Variants in COL19A1 observed in about 807,000 individuals in gnomAD.
The protein encoded by COL19A1 is collagen type XIX alpha 1 chain, also known as collagen alpha-1(XIX) chain.
A neutral mutation model predicts 190.2 loss-of-function variants in COL19A1; 159 were observed. The ratio of observed to expected loss-of-function variants is 0.84; its 90% CI spans 0.73 to 0.95. The LOEUF is 0.95. Ranked by LOEUF, COL19A1 falls within the 40% of genes least tolerant of loss-of-function variation. The pLI is 0.00. For missense variants in COL19A1, 1,418 were observed against 1,431.9 expected, an observed-to-expected ratio of 0.99 and a Z score of 0.16; for synonymous variants, 509 against 458.9, an observed-to-expected ratio of 1.11 and a Z score of -1.39.
At chr6:69,913,281 A>G (rs923444887) in intron 4 of COL19A1, among the ~76,000 whole-genome samples, 3 of 152,214 alleles carry the variant, frequency 2.0e-5, no homozygotes, top group Non-Finnish European at 4.4e-5. Context: ...CAGTGAAAGA[A>G]TAAATACTAA....
rs542693273 is a variant in COL19A1 at position 70,147,030 on chromosome 6, T to C, written c.1893+141T>C. ...ACTATCCAGAGATGACTGATCAGCA[T>C]TGAGGTTGTATCACTTAAGCACAGA... is the stretch of plus-strand genomic sequence containing the variant. On this transcript the variant is annotated intron_variant, in intron 27 of 50. Coordinates refer to ENST00000620364, the MANE Select transcript of COL19A1 (RefSeq NM_001858.6). 794 of 687,072 alleles carry C rather than the reference T, an allele frequency of 1.2e-3. 2 individuals are homozygous for C. Among genetic ancestry groups the C allele is most frequent in the Non-Finnish European group, 1.5e-3 (650 of 429,312 alleles). The allele number at this position is 687,072 out of a possible 1,614,324, so 42.6% of individuals were successfully genotyped here.
intron 11 of COL19A1, among the ~76,000 whole-genome samples, chr6:70,017,551 C>T (rs1344072169): frequency 6.6e-6 from 1 of 152,050 alleles, no homozygotes; most frequent in Non-Finnish European, 1.5e-5. Flanking sequence ...GAACATGAGA[C>T]TCATTAGCAT....
chr6:70,041,209 A>G (rs780714871), intron 14 of COL19A1, among the ~76,000 whole-genome samples: 15 of 152,220 alleles, frequency 9.9e-5, no homozygotes, highest in Non-Finnish European at 1.6e-4. Context: ...TTAATGAAAT[A>G]TCTGATTTCT....
intron 33 of COL19A1, 89 bp from the exon 34 acceptor site, chr6:70,156,581 G>T: frequency 7.2e-7 from 1 of 1,388,902 alleles, no homozygotes; most frequent in South Asian, 1.2e-5. Flanking sequence ...CAAATTACAT[G>T]CCCCAAGTGT....
intron 14 of COL19A1, among the ~76,000 whole-genome samples, chr6:70,056,193 G>A (rs1160062832): frequency 6.6e-6 from 1 of 152,092 alleles, no homozygotes; most frequent in Admixed American, 6.6e-5. Context: ...TGAAAGGAAG[G>A]TACGTCTTCT....
intron 14 of COL19A1, among the ~76,000 whole-genome samples, chr6:70,064,516 C>T (rs1045968628): frequency 2.0e-5 from 3 of 152,120 alleles, no homozygotes; most frequent in African/African-American, 7.2e-5. Context: ...ACTGGATGGG[C>T]AAAAACTGGA....
intron 11 of COL19A1, among the ~76,000 whole-genome samples, chr6:69,980,580 A>G (rs1036980631): frequency 6.6e-6 from 1 of 152,188 alleles, no homozygotes; most frequent in Non-Finnish European, 1.5e-5. Context: ...TAAAGTCATA[A>G]TCGAAATCAA....
chr6:70,040,824 A>C (rs1489451928), intron 14 of COL19A1, among the ~76,000 whole-genome samples: 1 of 152,232 alleles, frequency 6.6e-6, no homozygotes, highest in Non-Finnish European at 1.5e-5. Flanking sequence ...TGACTTGATA[A>C]AAATAGAATT....
chr6:70,019,932 G>A (rs1309620416), intron 11 of COL19A1, among the ~76,000 whole-genome samples: 1 of 151,872 alleles, frequency 6.6e-6, no homozygotes, highest in South Asian at 2.1e-4. Context: ...CTATTGTTTG[G>A]AATTTATTAA....
chr6:70,195,474 A>C (rs1382077335), intron 48 of COL19A1, among the ~76,000 whole-genome samples: 1 of 152,028 alleles, frequency 6.6e-6, no homozygotes, highest in African/African-American at 2.4e-5. Flanking sequence ...GAGACATTCC[A>C]TTTCCTGCCT....
At chr6:70,149,560 C>G in intron 27 of COL19A1, 144 bp from the exon 28 acceptor site, 1 of 912,006 alleles carries the variant, frequency 1.1e-6, no homozygotes, top group Non-Finnish European at 1.6e-6. Flanking sequence ...AAGTCTTGGC[C>G]GACTTTGCAG....
chr6:69,875,340 T>C (rs898410066), intron 1 of COL19A1, among the ~76,000 whole-genome samples: 3 of 152,148 alleles, frequency 2.0e-5, no homozygotes, highest in Non-Finnish European at 4.4e-5. Context: ...TTGGACTACA[T>C]TCAAAGTACA....
intron 15 of COL19A1, among the ~76,000 whole-genome samples, chr6:70,094,527 T>G (rs1279446367): frequency 6.6e-6 from 1 of 152,154 alleles, no homozygotes; most frequent in African/African-American, 2.4e-5. Context: ...TGCCATCCCT[T>G]AAGTCCAATT....
intron 33 of COL19A1, 132 bp from the exon 34 acceptor site, chr6:70,156,538 A>T: frequency 9.2e-7 from 1 of 1,090,410 alleles, no homozygotes; most frequent in Non-Finnish European, 1.3e-6. Context: ...GTCACTTGCA[A>T]ATGTTGCCAT....
intron 44 of COL19A1, 113 bp downstream of exon 44, chr6:70,180,636 A>C: frequency 9.1e-7 from 1 of 1,102,068 alleles, no homozygotes. Flanking sequence ...CCAAGGAGTA[A>C]GAAGAATGCA....
intron 9 of COL19A1, among the ~76,000 whole-genome samples, chr6:69,941,031 G>A (rs1290195371): frequency 6.6e-6 from 1 of 152,178 alleles, no homozygotes. Flanking sequence ...AAGATCGAAA[G>A]TCATTTTTGC....
chr6:69,941,770 C>T (rs1773482217), intron 9 of COL19A1, among the ~76,000 whole-genome samples: 1 of 150,530 alleles, frequency 6.6e-6, no homozygotes, highest in African/African-American at 2.5e-5. Flanking sequence ...TTCCCTGCAA[C>T]ATCCGCCTCC....
At chr6:70,089,912 T>C (rs1425195576) in intron 15 of COL19A1, among the ~76,000 whole-genome samples, 5 of 152,146 alleles carry the variant, frequency 3.3e-5, no homozygotes, top group Admixed American at 2.0e-4. Flanking sequence ...ATGGGCTGGG[T>C]AAATATCAGA....
intron 1 of COL19A1, 104 bp from the exon 2 acceptor site, chr6:69,879,432 T>C: frequency 1.6e-6 from 1 of 643,970 alleles, no homozygotes; most frequent in Non-Finnish European, 2.8e-6. Flanking sequence ...TATGATGATA[T>C]ATGATGTAAC....
Sources: allele counts gnomAD v4.1 joint callset (sites outside exome capture counted in the v4.1 genomes callset), GRCh38; gene constraint gnomAD v4.1.1; transcripts MANE v1.5; gene names NCBI Gene and HGNC (gene_info 2026-07-23, HGNC 2026-07-21).